FHIT: variants seen among roughly 807,000 people sequenced by gnomAD.
FHIT encodes the protein bis(5'-adenosyl)-triphosphatase.
Under a neutral mutation model 17.9 loss-of-function variants are expected in FHIT, and 19 were observed. The ratio of observed to expected loss-of-function variants is 1.06; its 90% confidence interval spans 0.74 to 1.56. The LOEUF (loss-of-function observed/expected upper bound fraction) is 1.56. FHIT is among the 40% of genes most tolerant of loss of function. FHIT has a pLI of 0.00. For missense variants in FHIT, 248 were observed against 189.2 expected (o/e 1.31, Z -1.82); for synonymous variants, 81 against 69.7 (o/e 1.16, Z -0.81).
chr3:60,211,125 T>G (rs1334837295), intron 5 of FHIT, among the ~76,000 whole-genome samples: 2 of 147,980 alleles, frequency 1.4e-5, no homozygotes, highest in Non-Finnish European at 3.0e-5. Context: ...AAGAAATCAT[T>G]CTAGAAAGTG....
chr3:60,673,737 C>G (rs2040561447), intron 4 of FHIT, among the ~76,000 whole-genome samples: 2 of 152,288 alleles, frequency 1.3e-5, no homozygotes, highest in East Asian at 3.9e-4. Flanking sequence ...CTATTGTCTT[C>G]TGGCTTGAAT....
intron 8 of FHIT, among the ~76,000 whole-genome samples, chr3:59,813,752 T>A: frequency 6.6e-6 from 1 of 152,166 alleles, no homozygotes; most frequent in Non-Finnish European, 1.5e-5. Context: ...CAAGTATGCC[T>A]TGCACACAGT....
chr3:61,091,271 G>A (rs2035472774), intron 2 of FHIT, among the ~76,000 whole-genome samples: 1 of 152,142 alleles, frequency 6.6e-6, no homozygotes. Context: ...CTCCCTACAT[G>A]CCAATCAGTG....
intron 5 of FHIT, among the ~76,000 whole-genome samples, chr3:60,103,286 T>C (rs1009092225): frequency 6.6e-6 from 1 of 152,200 alleles, no homozygotes; most frequent in African/African-American, 2.4e-5. Flanking sequence ...TTATGTGGGC[T>C]CTTTGGCCCG....
chr3:60,458,539 G>A (rs2032256706), intron 5 of FHIT, among the ~76,000 whole-genome samples: 1 of 151,816 alleles, frequency 6.6e-6, no homozygotes, highest in African/African-American at 2.4e-5. Context: ...GTATACATAT[G>A]TAACTAACCT....
intron 5 of FHIT, among the ~76,000 whole-genome samples, chr3:60,450,371 A>G (rs959197080): frequency 9.9e-5 from 15 of 152,086 alleles, no homozygotes; most frequent in African/African-American, 3.4e-4. Context: ...AAATATATAT[A>G]TATGTGTATA....
At position 59,918,513 on chromosome 3, in the gene FHIT, C is replaced by CAA. The variant is rs5849309; in HGVS notation, c.348+3831_348+3832dup. Among the ~76,000 whole-genome samples the CAA allele has an allele frequency of 5.0e-3, 759 of 151,762 alleles. 5 individuals are homozygous for CAA. The highest frequency in any genetic ancestry group is 8.8e-3 in the Admixed American group (135 of 15,256). ...TATCCCAGAACTTGAAGTTAAAAAA[C>CAA]AAAAAAAACTCACCTGGGGCCAGAG... On this transcript the variant is annotated intron_variant, in intron 8 of 9. Coordinates refer to ENST00000492590, the MANE Select transcript of FHIT (RefSeq NM_002012.4).
chr3:60,030,503 T>C (rs1474165214), intron 5 of FHIT, among the ~76,000 whole-genome samples: 2 of 152,230 alleles, frequency 1.3e-5, no homozygotes, highest in African/African-American at 2.4e-5. Flanking sequence ...CCCATGAAGG[T>C]ATCCCTCCTT....
At chr3:59,779,911 C>CG (rs1702495816) in intron 8 of FHIT, among the ~76,000 whole-genome samples, 1 of 152,180 alleles carries the variant, frequency 6.6e-6, no homozygotes, top group Non-Finnish European at 1.5e-5. Flanking sequence ...CATGACCACA[C>CG]GGACACACAG....
chr3:60,866,468 G>A (rs1704164850), intron 3 of FHIT, among the ~76,000 whole-genome samples: 1 of 152,088 alleles, frequency 6.6e-6, no homozygotes, highest in African/African-American at 2.4e-5. Flanking sequence ...GAGGAACTGA[G>A]GCCTCCCACC....
chr3:60,468,554 A>T (rs879524833), intron 5 of FHIT, among the ~76,000 whole-genome samples: 1 of 152,092 alleles, frequency 6.6e-6, no homozygotes, highest in Non-Finnish European at 1.5e-5. Context: ...TGATTGCATA[A>T]ACAATTAAAC....
intron 5 of FHIT, among the ~76,000 whole-genome samples, chr3:60,069,560 G>A (rs778144411): frequency 6.6e-6 from 1 of 152,184 alleles, no homozygotes; most frequent in Non-Finnish European, 1.5e-5. Flanking sequence ...GACAGTAAAA[G>A]AGACTCATAT....
intron 3 of FHIT, among the ~76,000 whole-genome samples, chr3:60,887,771 T>A (rs1279941405): frequency 6.6e-6 from 1 of 152,182 alleles, no homozygotes. Context: ...GCTGAGGTAG[T>A]GCCAGGAATT....
chr3:60,042,284 C>G (rs1449442649), intron 5 of FHIT, among the ~76,000 whole-genome samples: 1 of 152,240 alleles, frequency 6.6e-6, no homozygotes, highest in Non-Finnish European at 1.5e-5. Flanking sequence ...CCTGAAGTAT[C>G]TTACTTTTTT....
intron 4 of FHIT, among the ~76,000 whole-genome samples, chr3:60,631,230 A>G (rs2039433408): frequency 6.6e-6 from 1 of 152,210 alleles, no homozygotes; most frequent in Non-Finnish European, 1.5e-5. Flanking sequence ...AAGGATTTAC[A>G]GCTGTGAAGA....
At chr3:61,213,235 A>C (rs1255221315) in intron 1 of FHIT, among the ~76,000 whole-genome samples, 1 of 152,252 alleles carries the variant, frequency 6.6e-6, no homozygotes, top group African/African-American at 2.4e-5. Context: ...GTCAAGACCC[A>C]TCAGTGTGCT....
At chr3:61,099,227 G>C (rs1447574127) in intron 2 of FHIT, among the ~76,000 whole-genome samples, 1 of 152,136 alleles carries the variant, frequency 6.6e-6, no homozygotes, top group Non-Finnish European at 1.5e-5. Flanking sequence ...AACATTTATG[G>C]ATTTGCATAT....
At chr3:60,609,837 A>G (rs1374354613) in intron 4 of FHIT, among the ~76,000 whole-genome samples, 1 of 152,164 alleles carries the variant, frequency 6.6e-6, no homozygotes, top group Non-Finnish European at 1.5e-5. Flanking sequence ...AGTTCCTGCT[A>G]TCTCAACAAT....
chr3:60,535,349 T>C (rs374625323), intron 5 of FHIT, among the ~76,000 whole-genome samples: 41 of 152,218 alleles, frequency 2.7e-4, no homozygotes, highest in African/African-American at 9.9e-4. Context: ...CCTTTATTTC[T>C]TTTCTAAAAG....
Sources: allele counts gnomAD v4.1 joint callset (sites outside exome capture counted in the v4.1 genomes callset), GRCh38; gene constraint gnomAD v4.1.1; transcripts MANE v1.5; gene names NCBI Gene and HGNC (gene_info 2026-07-23, HGNC 2026-07-21).